Variants in SLC17A9 observed in about 807,000 individuals in gnomAD.
SLC17A9 encodes the protein solute carrier family 17 member 9.
SLC17A9 carries 49 observed loss-of-function variants against 55.0 expected under a neutral mutation model. The observed-to-expected ratio is 0.89, with a 90% CI of 0.71 to 1.13. The LOEUF is 1.13. SLC17A9 is among the 50% of genes most tolerant of loss of function. The pLI is 0.00. For synonymous variants in SLC17A9, 256 were observed against 247.4 expected (o/e 1.03, Z -0.32); for missense variants, 526 against 569.3 (o/e 0.92, Z 0.77).
chr20:62,956,502 A>C (rs1166244509), intron 1 of SLC17A9, among the ~76,000 whole-genome samples: 1 of 152,142 alleles, frequency 6.6e-6, no homozygotes, highest in East Asian at 1.9e-4. Flanking sequence ...TGTGGGGATG[A>C]GTCGTTGCTG....
chr20:62,965,502 T>A, intron 9 of SLC17A9, 108 bp from the exon 10 acceptor site: 1 of 1,055,964 alleles, frequency 9.5e-7, no homozygotes, highest in Non-Finnish European at 1.4e-6. Context: ...GCAGCCAACC[T>A]GACCGTTGTG....
intron 9 of SLC17A9, 60 bp downstream of exon 9, chr20:62,965,226 G>A: frequency 6.2e-7 from 1 of 1,609,290 alleles, no homozygotes; most frequent in South Asian, 1.1e-5. Flanking sequence ...GGGTCTCCCA[G>A]GAACTCAGGG....
chr20:62,957,472 G>A lies in SLC17A9; in HGVS notation c.289G>A (p.Ala97Thr). 2.5e-6 allele frequency: 4 copies of A among 1,607,380 alleles called. No homozygotes were observed. The highest frequency in any genetic ancestry group is 3.4e-6 in the Non-Finnish European group (4 of 1,177,470). Residue 97 changes from alanine to threonine, a missense_variant, in exon 3 of 13, where the codon GCC (alanine) becomes ACC (threonine). Coordinates refer to ENST00000370351, the MANE Select transcript of SLC17A9 (RefSeq NM_022082.4). ...GGGTGAGAAGGTCATCCTGCTGTCA[G>A]CCTCTGCCTGGGGCTCCATCACGGC... Reference protein sequence around the residue: ...IGGEKVILLSASAWGSITAVT... With the variant: ...IGGEKVILLSTSAWGSITAVT...
At chr20:62,963,120 G>A in intron 5 of SLC17A9, 153 bp from the exon 6 acceptor site, 10 of 762,672 alleles carry the variant, frequency 1.3e-5, no homozygotes, top group South Asian at 1.2e-4. Context: ...TGTCTGGTAG[G>A]GGAGGCCAAG....
At chr20:62,953,186 A>G in intron 1 of SLC17A9, 2 of 1,550,098 alleles carry the variant, frequency 1.3e-6, no homozygotes, top group Non-Finnish European at 1.7e-6. Context: ...TGTCCTGGAC[A>G]GTCAGGAGGC....
chr20:62,962,114 G>A lies in SLC17A9; in HGVS notation c.498-510G>A, dbSNP rs564527143. ...AGGGAGCCTCTGAGGGGCTATTTGGGACAATGAAGTCATGGGGACGGGATG... is the reference window on the plus strand; with the variant it reads ...AGGGAGCCTCTGAGGGGCTATTTGGAACAATGAAGTCATGGGGACGGGATG... On this transcript the variant is annotated intron_variant, in intron 4 of 12. Coordinates refer to ENST00000370351, the MANE Select transcript of SLC17A9 (RefSeq NM_022082.4). This position sits in a 1 kb window ranked among gnomAD's most constrained non-coding sequence, Gnocchi z 5.5. Among the ~76,000 whole-genome samples, 1 of 152,316 alleles carries A rather than the reference G, an allele frequency of 6.6e-6. No individual in the cohort carries two copies. Among genetic ancestry groups the A allele is most frequent in the South Asian group, 2.1e-4 (1 of 4,824 alleles).
rs185245761 is a variant in SLC17A9 at position 62,967,858 on chromosome 20, C to T, written c.*358C>T. The T allele has an allele frequency of 3.4e-3, 612 of 179,758 alleles. 5 individuals are homozygous for T. Among genetic ancestry groups the T allele is most frequent in the African/African-American group, 0.014 (585 of 42,364 alleles). The allele number at this position is 179,758 out of a possible 1,614,324, so 11.1% of individuals were successfully genotyped here. A position where few individuals can be genotyped will look rare whatever the true frequency, so the allele number is the denominator to read the frequency against. ...CGCGTGGTTCCCGCCAAACCTCCCTCGGTCGCCGTGTTCTCCGCAAGCCTC... is the reference window on the plus strand; with the variant it reads ...CGCGTGGTTCCCGCCAAACCTCCCTTGGTCGCCGTGTTCTCCGCAAGCCTC... On this transcript the variant is annotated 3_prime_UTR_variant, in exon 13 of 13. Coordinates refer to ENST00000370351, the MANE Select transcript of SLC17A9 (RefSeq NM_022082.4).
chr20:62,966,475 C>T (rs982781439), intron 10 of SLC17A9, 50 bp from the exon 11 acceptor site: 5 of 1,594,154 alleles, frequency 3.1e-6, no homozygotes, highest in Middle Eastern at 1.7e-4. Flanking sequence ...CCCTGGGCCA[C>T]CAGCTCGGTG....
chr20:62,952,948 G>C, intron 1 of SLC17A9, 59 bp downstream of exon 1: 2 of 1,427,988 alleles, frequency 1.4e-6, no homozygotes, highest in Non-Finnish European at 1.9e-6. Flanking sequence ...CGTGGGGAGG[G>C]AGCTGAGATA....
At chr20:62,954,923 G>A (rs879918470) in intron 1 of SLC17A9, among the ~76,000 whole-genome samples, 14 of 152,222 alleles carry the variant, frequency 9.2e-5, no homozygotes, top group Non-Finnish European at 1.6e-4. Flanking sequence ...CGGCCAGGCA[G>A]TGCGGGGCAG....
At chr20:62,966,834 G>T in intron 12 of SLC17A9, 102 bp downstream of exon 12, 2 of 1,436,442 alleles carry the variant, frequency 1.4e-6, no homozygotes, top group South Asian at 2.5e-5. Flanking sequence ...GAGGGGGTCC[G>T]GGTGTCAGAG....
intron 4 of SLC17A9, among the ~76,000 whole-genome samples, chr20:62,961,744 A>G (rs2065590932): frequency 6.6e-6 from 1 of 152,230 alleles, no homozygotes; most frequent in East Asian, 1.9e-4. Flanking sequence ...TACTTCTACT[A>G]AAGAATGAAT....
Position 62,958,422 on chromosome 20 carries a change from G to T in SLC17A9, c.397+842G>T, listed in dbSNP as rs924763096. 1.3e-5 allele frequency among the ~76,000 whole-genome samples: 2 copies of T among 151,974 alleles called. No individual in the cohort carries two copies. Among genetic ancestry groups the T allele is most frequent in the South Asian group, 4.2e-4 (2 of 4,812 alleles). ...TAACTGTCAGGAGAACAAGGTGGGT[G>T]GGGGGGCCAAGGGGGCTTTGAGGGG... On this transcript the variant is annotated intron_variant, in intron 3 of 12. Coordinates refer to ENST00000370351, the MANE Select transcript of SLC17A9 (RefSeq NM_022082.4). The surrounding 1 kb of genome is among the most constrained non-coding windows in gnomAD (Gnocchi z 4.1).
intron 4 of SLC17A9, among the ~76,000 whole-genome samples, chr20:62,961,858 A>T (rs1400998876): frequency 1.3e-5 from 2 of 152,036 alleles, no homozygotes; most frequent in African/African-American, 4.8e-5. Flanking sequence ...GGGCAGGGAG[A>T]GTGCTACCCC....
chr20:62,965,245 C>A, intron 9 of SLC17A9, 79 bp downstream of exon 9: 2 of 1,582,226 alleles, frequency 1.3e-6, no homozygotes, highest in Non-Finnish European at 1.7e-6. Context: ...GGTTGTGTCC[C>A]CAAGTCACCT....
chr20:62,956,813 T>C lies in SLC17A9; in HGVS notation c.108T>C (p.Leu36=), dbSNP rs751112903. 2 of 1,613,000 alleles carry C rather than the reference T, an allele frequency of 1.2e-6. No homozygotes were observed. The highest frequency in any genetic ancestry group is 1.7e-6 in the Non-Finnish European group (2 of 1,179,918). The change falls in exon 2 of 13, where the codon CTT becomes CTC. Residue 36 remains leucine, a synonymous_variant. Transcript: ENST00000370351. ...WTGTLLLGTC[L]LYCARSSMPI... ...GGACGCTGCTGCTGGGCACATGCCT[T>C]CTGTACTGCGCCCGCTCCAGCATGC...
chr20:62,967,762 G>A lies in SLC17A9; in HGVS notation c.*262G>A. The A allele has an allele frequency of 2.4e-6, 1 of 415,084 alleles. No homozygotes were observed. The highest frequency in any genetic ancestry group is 4.3e-6 in the Non-Finnish European group (1 of 230,410). The allele number at this position is 415,084 out of a possible 1,614,324, so 25.7% of individuals were successfully genotyped here. On this transcript the variant is annotated 3_prime_UTR_variant, in exon 13 of 13. Transcript: ENST00000370351. ...GGGCTCGGCCCTGTCCTCCTCACAG[G>A]CTGGTGTGGCCGTCAGGGTGGGTGG...
rs1192029474 is a variant in SLC17A9, at chr20:62,967,520, T to G, written c.*20T>G. The G allele has an allele frequency of 1.9e-6, 3 of 1,608,354 alleles. No homozygotes were observed. Among genetic ancestry groups the G allele is most frequent in the Admixed American group, 1.7e-5 (1 of 59,460 alleles). On this transcript the variant is annotated 3_prime_UTR_variant, in exon 13 of 13. Transcript: ENST00000370351. The stretch of plus-strand genomic sequence containing the variant: ...CTCTAGCTCCCAACCCCACAGCCTC[T>G]CCAAGGACCCAGGCGCCAGCAGCCC...
chr20:62,952,821 C>T lies in SLC17A9; in HGVS notation c.-10C>T, dbSNP rs1410372709. ...AGCTGTGCCCACGCCGTCTGAGCAC[C>T]CCAAGCCCGATGCAGCCACCCCCAG... On this transcript the variant is annotated 5_prime_UTR_variant, in exon 1 of 13. Coordinates refer to ENST00000370351, the MANE Select transcript of SLC17A9 (RefSeq NM_022082.4). 5 of 1,534,976 alleles carry T rather than the reference C, an allele frequency of 3.3e-6. No individual in the cohort carries two copies. Among genetic ancestry groups the T allele is most frequent in the Non-Finnish European group, 4.4e-6 (5 of 1,145,314 alleles).
Sources: allele counts gnomAD v4.1 joint callset (sites outside exome capture counted in the v4.1 genomes callset), GRCh38; gene constraint gnomAD v4.1.1; non-coding constraint Gnocchi (gnomAD v3.1); transcripts MANE v1.5; gene names NCBI Gene and HGNC (gene_info 2026-07-23, HGNC 2026-07-21).